CYB5R2: variants seen among roughly 807,000 people sequenced by gnomAD.
CYB5R2 encodes cytochrome b5 reductase 2, also known as NADH-cytochrome b5 reductase 2.
CYB5R2 carries 35 observed loss-of-function variants against 29.8 expected under a neutral mutation model. That is an observed-to-expected ratio of 1.17 (90% CI 0.90 to 1.56). CYB5R2 has a LOEUF of 1.56. Among genes scored for constraint, CYB5R2 ranks in the 40% most tolerant of loss-of-function variants. The pLI, the probability that CYB5R2 is intolerant of heterozygous loss-of-function variation, is 0.00. For synonymous variants in CYB5R2, 169 were observed against 130.6 expected (o/e 1.29, Z -2.01); for missense variants, 419 against 346.7 (o/e 1.21, Z -1.66).
chr11:7,671,543 G>A (rs1031258566), intron 3 of CYB5R2: 7 of 152,282 alleles, frequency 4.6e-5, no homozygotes, highest in African/African-American at 1.7e-4. Flanking sequence ...GGAGCTGAGA[G>A]ACGGCACGCA....
chr11:7,668,383 A>G, intron 6 of CYB5R2, 95 bp downstream of exon 6: 1 of 979,292 alleles, frequency 1.0e-6, no homozygotes, highest in East Asian at 2.4e-5. Flanking sequence ...TGGAGGCGAA[A>G]TCTCTCATGT....
chr11:7,672,676 G>A, intron 2 of CYB5R2, 72 bp downstream of exon 2: 2 of 1,586,588 alleles, frequency 1.3e-6, no homozygotes, highest in South Asian at 1.1e-5. Flanking sequence ...GCCATGAGAT[G>A]ACTGTCTGGA....
chr11:7,672,666 G>A, intron 2 of CYB5R2, 82 bp downstream of exon 2: 2 of 1,563,560 alleles, frequency 1.3e-6, no homozygotes, highest in Non-Finnish European at 8.8e-7. Flanking sequence ...TGAACTGGAG[G>A]CCATGAGATG....
upstream of CYB5R2, chr11:7,673,778 C>CGGGCCCGCAGACTCGTG: frequency 1.0e-6 from 1 of 987,294 alleles, no homozygotes; most frequent in Non-Finnish European, 1.2e-6. Flanking sequence ...CTCCCCGCCG[C>CGGGCCCGCAGACTCGTG]GGGCCCGCAG....
chr11:7,666,842 T>G, intron 7 of CYB5R2: 1 of 282,418 alleles, frequency 3.5e-6, no homozygotes. Context: ...CTGGCCAGGA[T>G]GGCTTCACTC....
intron 4 of CYB5R2, 116 bp from the exon 5 acceptor site, chr11:7,669,450 A>G (rs1855583935): frequency 1.5e-6 from 2 of 1,371,662 alleles, no homozygotes; most frequent in Non-Finnish European, 2.0e-6. Context: ...TCCTCTCTGA[A>G]TTGTTGTACG....
chr11:7,673,616 C>G, upstream of CYB5R2: 11 of 985,454 alleles, frequency 1.1e-5, no homozygotes, highest in Non-Finnish European at 1.3e-5. Flanking sequence ...CGTTCGTTCC[C>G]GGCTCTAGCC....
At position 7,665,562 on chromosome 11, in the gene CYB5R2, T is replaced by C. The variant is rs1458734152; in HGVS notation, c.659-16A>G. Reference sequence around the variant, plus strand: ...TACTTCCAGCCTGAAATGAAGGAGATGCAGGAGCAAGCTGAGCGATGCCAG... The same window carrying C: ...TACTTCCAGCCTGAAATGAAGGAGACGCAGGAGCAAGCTGAGCGATGCCAG... On this transcript the variant is annotated splice_polypyrimidine_tract_variant and intron_variant, in intron 8 of 8. Coordinates refer to ENST00000299498, the MANE Select transcript of CYB5R2 (RefSeq NM_016229.5). The C allele has an allele frequency of 3.8e-6, 6 of 1,589,868 alleles. No homozygotes were observed. The highest frequency in any genetic ancestry group is 5.1e-6 in the Non-Finnish European group (6 of 1,169,262).
chr11:7,673,788 G>A (rs1855911919), upstream of CYB5R2: 1 of 987,352 alleles, frequency 1.0e-6, no homozygotes, highest in Non-Finnish European at 1.2e-6. Flanking sequence ...CGGGCCCGCA[G>A]ACTCGTGGCG....
At chr11:7,673,990 C>T, upstream of CYB5R2, 2 of 1,138,790 alleles carry the variant, frequency 1.8e-6, no homozygotes, top group Non-Finnish European at 1.1e-6. Context: ...CCCAGGGCAG[C>T]GCTCCATCAT....
At chr11:7,665,610 G>T in intron 8 of CYB5R2, 64 bp from the exon 9 acceptor site, 1 of 1,497,576 alleles carries the variant, frequency 6.7e-7, no homozygotes, top group East Asian at 2.3e-5. Context: ...ATCCCAGGCC[G>T]CCTGCACACC....
rs762315705 is a variant in CYB5R2, at chr11:7,672,443, C to A, written c.151+8G>T. 31 of 1,613,734 alleles carry A rather than the reference C, an allele frequency of 1.9e-5. No homozygotes were observed. The highest frequency in any genetic ancestry group is 2.6e-5 in the Non-Finnish European group (31 of 1,179,662). ...CCCAGTCCTGGTGATGACCCAAGCC[C>A]GGCTCACCTACAGGAAGCCCTAAGA... On this transcript the variant is annotated splice_region_variant and intron_variant, in intron 3 of 8. Transcript: ENST00000299498.
rs1317505993 is a variant in CYB5R2, at chr11:7,672,434, A to G, written c.151+17T>C. The G allele has an allele frequency of 1.2e-6, 2 of 1,613,200 alleles. No individual in the cohort carries two copies. Among genetic ancestry groups the G allele is most frequent in the Non-Finnish European group, 1.7e-6 (2 of 1,179,212 alleles). ...CCCAGAGGCCCCAGTCCTGGTGATGACCCAAGCCCGGCTCACCTACAGGAA... is the reference window on the plus strand; with the variant it reads ...CCCAGAGGCCCCAGTCCTGGTGATGGCCCAAGCCCGGCTCACCTACAGGAA... On this transcript the variant is annotated intron_variant, in intron 3 of 8. Transcript: ENST00000299498.
chr11:7,667,948 G>T, intron 6 of CYB5R2, 135 bp from the exon 7 acceptor site: 1 of 704,822 alleles, frequency 1.4e-6, no homozygotes. Flanking sequence ...CTCAAAGCAG[G>T]AAACAGCCCT....
intron 4 of CYB5R2, 53 bp downstream of exon 4, chr11:7,669,572 C>T (rs1855594472): frequency 4.9e-6 from 7 of 1,431,880 alleles, no homozygotes; most frequent in Non-Finnish European, 6.7e-6. Flanking sequence ...CACCCCACCA[C>T]CCTCAGTAGG....
intron 3 of CYB5R2, chr11:7,671,131 G>C (rs1015397588): frequency 6.6e-6 from 1 of 152,274 alleles, no homozygotes; most frequent in Non-Finnish European, 1.5e-5. Flanking sequence ...AATGACTCTG[G>C]TCATGGTCCC....
chr11:7,669,096 A>G (rs1305935719), intron 5 of CYB5R2, 109 bp downstream of exon 5: 1 of 1,329,550 alleles, frequency 7.5e-7, no homozygotes, highest in Admixed American at 1.7e-5. Flanking sequence ...ATGAATGAAG[A>G]CTAAGGACAA....
At chr11:7,668,949 T>TATC in intron 5 of CYB5R2, 1 of 634,128 alleles carries the variant, frequency 1.6e-6, no homozygotes, top group South Asian at 1.7e-5. Context: ...ACCATTTATG[T>TATC]ATCAGGCATT....
upstream of CYB5R2, chr11:7,674,081 G>C: frequency 1.7e-6 from 2 of 1,193,026 alleles, no homozygotes; most frequent in Non-Finnish European, 2.1e-6. Flanking sequence ...TGCACACGCA[G>C]AGCTGCCACA....
Sources: gnomAD v4.1 joint callset for allele counts on GRCh38, gnomAD v4.1.1 for gene constraint, MANE v1.5 for transcripts, NCBI Gene and HGNC (gene_info 2026-07-23, HGNC 2026-07-21) for gene names.